The following UBR2 variants were observed in gnomAD, a reference collection of about 807,000 sequenced individuals.
The protein encoded by UBR2 is ubiquitin protein ligase E3 component n-recognin 2.
Under a neutral mutation model 247.9 loss-of-function variants are expected in UBR2, and 92 were observed. The observed-to-expected ratio is 0.37, with a 90% CI of 0.31 to 0.44. UBR2 has a LOEUF of 0.44. UBR2 is among the 20% of genes least tolerant of loss of function. The probability of loss-of-function intolerance (pLI) is 1.00; values close to 1 mark genes in which losing one functional copy is unlikely to be tolerated. For synonymous variants in UBR2, 672 were observed against 693.5 expected (o/e 0.97, Z 0.49); for missense variants, 1,613 against 2,112.6 (o/e 0.76, Z 4.64).
chr6:42,571,967 A>AT (rs1791176008), intron 1 of UBR2, among the ~76,000 whole-genome samples: 1 of 152,036 alleles, frequency 6.6e-6, no homozygotes, highest in Non-Finnish European at 1.5e-5. Context: ...TATATATAAA[A>AT]TTTTGATTGA....
chr6:42,661,943 T>A (rs1797838635), intron 30 of UBR2, among the ~76,000 whole-genome samples: 1 of 152,254 alleles, frequency 6.6e-6, no homozygotes, highest in South Asian at 2.1e-4. Context: ...TTCATAGTTC[T>A]AATTTCAGTT....
chr6:42,655,749 T>G, intron 26 of UBR2, 26 bp downstream of exon 26: 1 of 1,290,778 alleles, frequency 7.7e-7, no homozygotes, highest in Non-Finnish European at 1.1e-6. Flanking sequence ...TTTACTAAAC[T>G]AACTCAAGAT....
chr6:42,690,064 T>G (rs761016466), intron 46 of UBR2, among the ~76,000 whole-genome samples: 1 of 152,190 alleles, frequency 6.6e-6, no homozygotes, highest in South Asian at 2.1e-4. Context: ...TACATTAAAA[T>G]CTGGGGGACA....
chr6:42,591,457 A>G (rs1026939853), intron 2 of UBR2, among the ~76,000 whole-genome samples: 7 of 152,186 alleles, frequency 4.6e-5, no homozygotes, highest in Non-Finnish European at 8.8e-5. Context: ...CTATAAATGT[A>G]TCTAACTGGC....
At chr6:42,644,431 A>G (rs1796631733) in intron 19 of UBR2, 42 bp from the exon 20 acceptor site, 1 of 1,605,294 alleles carries the variant, frequency 6.2e-7, no homozygotes, top group Non-Finnish European at 8.5e-7. Context: ...TGCAATATGC[A>G]TATTCTTATC....
intron 26 of UBR2, among the ~76,000 whole-genome samples, chr6:42,655,946 G>A (rs1447399867): frequency 6.6e-6 from 1 of 152,064 alleles, no homozygotes; most frequent in African/African-American, 2.4e-5. Flanking sequence ...GTCAGCTGTG[G>A]TTGACGTAAG....
At chr6:42,587,730 C>T (rs150770520) in intron 2 of UBR2, among the ~76,000 whole-genome samples, 16 of 152,202 alleles carry the variant, frequency 1.1e-4, no homozygotes, top group African/African-American at 3.6e-4. Flanking sequence ...GGCTGTGGAC[C>T]ATTGTTGTTG....
intron 11 of UBR2, among the ~76,000 whole-genome samples, chr6:42,630,352 T>G (rs1248450623): frequency 6.6e-6 from 1 of 151,774 alleles, no homozygotes; most frequent in African/African-American, 2.4e-5. Context: ...GCCCAGCTAA[T>G]TTTTGTGTTT....
At chr6:42,682,020 GCCAAGATTA>G (rs900478076) in intron 42 of UBR2, among the ~76,000 whole-genome samples, 3 of 152,192 alleles carry the variant, frequency 2.0e-5, no homozygotes, top group African/African-American at 7.2e-5. Flanking sequence ...GTTGCAGTGA[GCCAAGATTA>G]CGCCACTGCA....
intron 7 of UBR2, among the ~76,000 whole-genome samples, chr6:42,611,635 G>A (rs1794093132): frequency 6.6e-6 from 1 of 152,122 alleles, no homozygotes; most frequent in Non-Finnish European, 1.5e-5. Context: ...GTCAGGCGCA[G>A]TGGCTCACAC....
intron 13 of UBR2, among the ~76,000 whole-genome samples, chr6:42,634,603 C>T (rs926237712): frequency 1.3e-5 from 2 of 152,286 alleles, no homozygotes; most frequent in Non-Finnish European, 2.9e-5. Flanking sequence ...TACAGGTGCA[C>T]GCCACCACAC....
chr6:42,619,453 A>ATTTTTTTTTTTTT (rs1554251969), intron 11 of UBR2: 22 of 23,840 alleles, frequency 9.2e-4, no homozygotes, highest in East Asian at 4.9e-3. Flanking sequence ...ATATATATAT[A>ATTTTTTTTTTTTT]TTTTTTTTTT....
chr6:42,688,151 T>G, intron 44 of UBR2, 65 bp from the exon 45 acceptor site: 1 of 1,606,448 alleles, frequency 6.2e-7, no homozygotes, highest in Non-Finnish European at 8.5e-7. Context: ...TGGGCTGGTT[T>G]TTTCATCACT....
intron 7 of UBR2, among the ~76,000 whole-genome samples, chr6:42,607,823 C>T (rs1210094438): frequency 6.7e-6 from 1 of 148,980 alleles, no homozygotes; most frequent in African/African-American, 2.5e-5. Context: ...TTGTGCGTTC[C>T]TTTATATTTC....
chr6:42,625,481 A>T (rs1795285863), intron 11 of UBR2, among the ~76,000 whole-genome samples: 1 of 151,874 alleles, frequency 6.6e-6, no homozygotes, highest in African/African-American at 2.4e-5. Flanking sequence ...ACAGGGTCTC[A>T]CTTTGTCACC....
Position 42,673,885 on chromosome 6 carries a change from C to T in UBR2, c.4181C>T (p.Ala1394Val), listed in dbSNP as rs1295112760. The change falls in exon 37 of 47, where the codon GCA (alanine) becomes GTA (valine). Residue 1394 changes from alanine to valine, a missense_variant and splice_region_variant. Transcript: ENST00000372901. ...VVQGHFCKLF[A>V]SLVPNDSHEE... The stretch of plus-strand genomic sequence containing the variant: ...CAAGGACATTTTTGTAAACTTTTTG[C>T]ATGTGAGTATTAATACATTTATAAC... 1 of 1,610,214 alleles carries T rather than the reference C, an allele frequency of 6.2e-7. No individual in the cohort carries two copies. Among genetic ancestry groups the T allele is most frequent in the Non-Finnish European group, 8.5e-7 (1 of 1,177,044 alleles).
At chr6:42,603,156 A>C (rs1209417044) in intron 4 of UBR2, among the ~76,000 whole-genome samples, 1 of 152,088 alleles carries the variant, frequency 6.6e-6, no homozygotes, top group African/African-American at 2.4e-5. Context: ...TACCTTTAAA[A>C]CTGTCAAAAT....
At chr6:42,672,856 A>G (rs549534340) in intron 36 of UBR2, among the ~76,000 whole-genome samples, 122 of 152,194 alleles carry the variant, frequency 8.0e-4, no homozygotes, top group African/African-American at 2.8e-3. Flanking sequence ...GAGGGGGAGA[A>G]TGGGTTTTAT....
chr6:42,604,055 T>C (rs1405375701), intron 5 of UBR2, among the ~76,000 whole-genome samples: 1 of 152,216 alleles, frequency 6.6e-6, no homozygotes, highest in African/African-American at 2.4e-5. Context: ...TATGTTAATA[T>C]CATTATAGGA....
Sources: allele counts gnomAD v4.1 joint callset (sites outside exome capture counted in the v4.1 genomes callset), GRCh38; gene constraint gnomAD v4.1.1; transcripts MANE v1.5; gene names NCBI Gene and HGNC (gene_info 2026-07-23, HGNC 2026-07-21).